The following PTPN3 variants were observed in gnomAD, a reference collection of about 807,000 sequenced individuals.
The protein encoded by PTPN3 is protein tyrosine phosphatase non-receptor type 3, also known as tyrosine-protein phosphatase non-receptor type 3.
PTPN3 carries 96 observed loss-of-function variants against 132.7 expected under a neutral mutation model. That is an observed-to-expected ratio of 0.72 (90% CI 0.61 to 0.86). The LOEUF is 0.86. PTPN3 is among the 40% of genes least tolerant of loss of function. The pLI, the probability that PTPN3 is intolerant of heterozygous loss-of-function variation, is 0.00. For missense variants in PTPN3, 1,125 were observed against 1,159.6 expected (o/e 0.97, Z 0.43); for synonymous variants, 398 against 429.0 (o/e 0.93, Z 0.89).
At chr9:109,471,302 C>A (rs1384650019) in intron 1 of PTPN3, among the ~76,000 whole-genome samples, 1 of 152,198 alleles carries the variant, frequency 6.6e-6, no homozygotes. Flanking sequence ...AGGTGATTTG[C>A]CTGCCTTGGC....
At chr9:109,389,187 AG>A (rs775639798) in intron 22 of PTPN3, 45 bp downstream of exon 22, 2 of 1,603,880 alleles carry the variant, frequency 1.2e-6, no homozygotes. Flanking sequence ...TACACAGAGT[AG>A]GGTGTGACAC....
chr9:109,442,268 A>C (rs1041548671), intron 7 of PTPN3, among the ~76,000 whole-genome samples: 4 of 152,124 alleles, frequency 2.6e-5, no homozygotes, highest in Non-Finnish European at 4.4e-5. Flanking sequence ...GGCTGGTCTC[A>C]AACTCCTGGG....
intron 1 of PTPN3, among the ~76,000 whole-genome samples, chr9:109,473,552 C>T (rs1047965895): frequency 1.3e-5 from 2 of 152,144 alleles, no homozygotes; most frequent in Non-Finnish European, 2.9e-5. Context: ...GCGGGAGCCG[C>T]GGGCAGTTTC....
intron 5 of PTPN3, chr9:109,450,611 TAGG>T: frequency 1.0e-6 from 1 of 985,150 alleles, no homozygotes. Flanking sequence ...GGAGACTTCC[TAGG>T]AATCTTGAAG....
chr9:109,445,178 C>T (rs1254100985), intron 7 of PTPN3, 62 bp downstream of exon 7: 1 of 1,529,798 alleles, frequency 6.5e-7, no homozygotes, highest in Admixed American at 1.7e-5. Context: ...GAACCAGTGA[C>T]TTTCTCCACA....
intron 14 of PTPN3, among the ~76,000 whole-genome samples, chr9:109,411,353 GCCTTTCTTCCCTCT>G (rs1842065615): frequency 6.6e-6 from 1 of 152,272 alleles, no homozygotes; most frequent in East Asian, 1.9e-4. Context: ...TGCGTCCTAA[GCCTTTCTTCCCTCT>G]CCAGACCATG....
the PTPN3 span, among the ~76,000 whole-genome samples, chr9:109,535,417 A>G: frequency 6.6e-6 from 1 of 152,190 alleles, no homozygotes; most frequent in African/African-American, 2.4e-5. Context: ...CACTTCTCCC[A>G]GGATAAGTAA....
intron 19 of PTPN3, among the ~76,000 whole-genome samples, chr9:109,399,413 G>A (rs892002931): frequency 2.6e-5 from 4 of 152,136 alleles, no homozygotes; most frequent in East Asian, 1.9e-4. Context: ...TCTGATTTTC[G>A]TTTTCTCCAT....
chr9:109,517,689 A>T, the PTPN3 span, among the ~76,000 whole-genome samples: 1 of 152,168 alleles, frequency 6.6e-6, no homozygotes, highest in Non-Finnish European at 1.5e-5. Context: ...TGACCATGTG[A>T]TGGAAACCAT....
intron 1 of PTPN3, among the ~76,000 whole-genome samples, chr9:109,479,471 A>G (rs980241554): frequency 1.3e-5 from 2 of 152,232 alleles, no homozygotes; most frequent in African/African-American, 4.8e-5. Flanking sequence ...GCAATGCTTA[A>G]ATTTTATCAT....
the PTPN3 span, among the ~76,000 whole-genome samples, chr9:109,503,829 A>T: frequency 2.0e-5 from 3 of 152,216 alleles, no homozygotes; most frequent in African/African-American, 7.2e-5. Context: ...TCAATTAGAC[A>T]TTGGTAGATT....
chr9:109,441,977 CT>C (rs1470907634), intron 7 of PTPN3, among the ~76,000 whole-genome samples: 4 of 152,272 alleles, frequency 2.6e-5, no homozygotes, highest in African/African-American at 7.2e-5. Context: ...TCAGATGCCC[CT>C]CTTGGAAGAA....
At chr9:109,453,168 C>A (rs1393541587) in intron 5 of PTPN3, among the ~76,000 whole-genome samples, 1 of 152,056 alleles carries the variant, frequency 6.6e-6, no homozygotes, top group African/African-American at 2.4e-5. Flanking sequence ...AGGAGGTGCA[C>A]AAAGAAGGCA....
In PTPN3 at chr9:109,410,350, G is replaced by A; in HGVS notation, c.1379C>T (p.Pro460Leu). Residue 460 changes from proline (P) to leucine (L), a missense_variant, in exon 15 of 26, where the codon CCA becomes CTA. Pro to Leu is a moderately conservative substitution (Grantham distance 98, BLOSUM62 -3). Transcript: ENST00000374541. ...GCAGGAGCCTGGAGCATTTGAAGAT[G>A]GAGACACAGAACTGGATGACTTCTG... ...LTQKSSSSVS[P>L]SSNAPGSCSP... is the part of the protein sequence containing the mutation. The A allele has an allele frequency of 6.2e-7, 1 of 1,614,152 alleles. No homozygotes were observed. Among genetic ancestry groups the A allele is most frequent in the Non-Finnish European group, 8.5e-7 (1 of 1,180,024 alleles).
intron 7 of PTPN3, among the ~76,000 whole-genome samples, chr9:109,444,534 T>C (rs1844718744): frequency 6.6e-6 from 1 of 152,166 alleles, no homozygotes; most frequent in South Asian, 2.1e-4. Context: ...AAAGACTTAG[T>C]ATAAAAAAAA....
chr9:109,387,046 G>A (rs575338041), intron 22 of PTPN3, among the ~76,000 whole-genome samples: 14 of 152,318 alleles, frequency 9.2e-5, no homozygotes, highest in African/African-American at 3.4e-4. Context: ...ACCGATTCCA[G>A]GTTCCTGGCT....
intron 9 of PTPN3, among the ~76,000 whole-genome samples, chr9:109,436,521 G>A (rs924241799): frequency 6.6e-6 from 1 of 152,068 alleles, no homozygotes; most frequent in Non-Finnish European, 1.5e-5. Context: ...TCCAATTTGA[G>A]CAACACTTGA....
chr9:109,389,452 T>C (rs1839879523), intron 21 of PTPN3, 73 bp from the exon 22 acceptor site: 2 of 1,435,712 alleles, frequency 1.4e-6, no homozygotes, highest in Admixed American at 2.2e-5. Flanking sequence ...TTTTAAACTA[T>C]TCTACTTGCT....
In PTPN3 at chr9:109,485,351, A is replaced by G. The variant is rs974893488; in HGVS notation, c.-18+12868T>C. 4.6e-5 allele frequency among the ~76,000 whole-genome samples: 7 copies of G among 151,720 alleles called. 1 individual carries two copies. The highest frequency in any genetic ancestry group is 2.0e-4 in the Admixed American group (3 of 15,258). The stretch of plus-strand genomic sequence containing the variant: ...GAAACCCCGTCTCTACTAAAAATAC[A>G]AAAAAAATTAGCTGGGCGTGGTGGT... On this transcript the variant is annotated intron_variant, in intron 1 of 25. Transcript: ENST00000374541.
Sources: allele counts gnomAD v4.1 joint callset (sites outside exome capture counted in the v4.1 genomes callset), GRCh38; gene constraint gnomAD v4.1.1; transcripts MANE v1.5; gene names NCBI Gene and HGNC (gene_info 2026-07-23, HGNC 2026-07-21).